The following ANGPT2 variants were observed in gnomAD, a reference collection of about 807,000 sequenced individuals.
ANGPT2 encodes the protein angiopoietin 2.
Under a neutral mutation model 62.9 loss-of-function variants are expected in ANGPT2, and 28 were observed. The ratio of observed to expected loss-of-function variants is 0.44; its 90% confidence interval spans 0.33 to 0.61. The LOEUF (loss-of-function observed/expected upper bound fraction) is 0.61, where lower values mean the gene tolerates loss of function less well. ANGPT2 is among the 20% of genes least tolerant of loss of function. The pLI is 0.03. For synonymous variants in ANGPT2, 284 were observed against 207.8 expected (o/e 1.37, Z -3.15); for missense variants, 727 against 594.9 (o/e 1.22, Z -2.31).
At chr8:6,504,337 A>AG (rs58658342) in intron 8 of ANGPT2, among the ~76,000 whole-genome samples, 1 of 149,670 alleles carries the variant, frequency 6.7e-6, no homozygotes, top group Non-Finnish European at 1.5e-5. Flanking sequence ...AAAAAAAAAA[A>AG]GAATGTATAA....
At position 6,527,766 on chromosome 8, in the gene ANGPT2, G is replaced by A. The variant is rs1046108943; in HGVS notation, c.445-90C>T. ...TTTCATTAAAGTACCCAAGCTACAGGAAAACATAACAAAAACATTATTTAT... is the reference window on the plus strand; with the variant it reads ...TTTCATTAAAGTACCCAAGCTACAGAAAAACATAACAAAAACATTATTTAT... On this transcript the variant is annotated intron_variant, in intron 2 of 8. Transcript: ENST00000629816. 211 of 1,215,526 alleles carry A rather than the reference G, an allele frequency of 1.7e-4. 1 individual carries two copies. The highest frequency in any genetic ancestry group is 2.1e-4 in the Non-Finnish European group (185 of 885,034). The allele number at this position is 1,215,526 out of a possible 1,614,324, so 75.3% of individuals were successfully genotyped here.
intron 1 of ANGPT2, among the ~76,000 whole-genome samples, chr8:6,553,152 C>G (rs1823960309): frequency 6.6e-6 from 1 of 152,100 alleles, no homozygotes; most frequent in African/African-American, 2.4e-5. Flanking sequence ...GTGCACCACT[C>G]TGGTGCAGGA....
chr8:6,514,598 G>C (rs1815866923), intron 6 of ANGPT2, 79 bp downstream of exon 6: 1 of 1,254,714 alleles, frequency 8.0e-7, no homozygotes, highest in South Asian at 1.2e-5. Context: ...TTTGGGATTG[G>C]TGGTTAAGGT....
At chr8:6,506,721 T>C (rs1171915226) in intron 8 of ANGPT2, among the ~76,000 whole-genome samples, 2 of 150,472 alleles carry the variant, frequency 1.3e-5, no homozygotes, top group South Asian at 2.1e-4. Context: ...TGGTGTAACA[T>C]AGGGAGGACC....
intron 7 of ANGPT2, among the ~76,000 whole-genome samples, chr8:6,512,520 G>A (rs2129567248): frequency 6.6e-6 from 1 of 152,276 alleles, no homozygotes; most frequent in South Asian, 2.1e-4. Context: ...TGATCACGAG[G>A]CGCCACCAGT....
intron 1 of ANGPT2, among the ~76,000 whole-genome samples, chr8:6,541,859 T>C (rs1420703812): frequency 6.6e-6 from 1 of 151,954 alleles, no homozygotes; most frequent in Non-Finnish European, 1.5e-5. Context: ...TTTTTAAAAA[T>C]TAGCTGGACA....
intron 7 of ANGPT2, among the ~76,000 whole-genome samples, chr8:6,512,799 A>G (rs2442630): frequency 0.013 from 1,928 of 152,328 alleles, 24 homozygotes; most frequent in Non-Finnish European, 0.018. Context: ...GATTATTGCT[A>G]CCAAATGGGT....
chr8:6,514,260 G>A (rs549181837), intron 6 of ANGPT2, among the ~76,000 whole-genome samples: 2 of 152,260 alleles, frequency 1.3e-5, no homozygotes, highest in East Asian at 3.9e-4. Context: ...TGTGATCTTG[G>A]CTGACTGCAC....
chr8:6,504,266 C>G (rs942635729), intron 8 of ANGPT2, among the ~76,000 whole-genome samples: 40 of 136,522 alleles, frequency 2.9e-4, no homozygotes, highest in African/African-American at 1.1e-3. Context: ...TGCAGTGAGC[C>G]GAGATCGCGC....
Position 6,562,737 on chromosome 8 carries a change from C to T in ANGPT2, c.198G>A (p.Gln66=). The T allele has an allele frequency of 6.2e-7, 1 of 1,613,918 alleles. No homozygotes were observed. Among genetic ancestry groups the T allele is most frequent in the South Asian group, 1.1e-5 (1 of 91,078 alleles). The part of the protein sequence containing the change: ...SSSPYVSNAV[Q]RDAPLEYDDS... ...CATCGTATTCGAGCGGCGCGTCCCTCTGCACAGCATTGGACACGTAGGGGC... is the reference window on the plus strand; with the variant it reads ...CATCGTATTCGAGCGGCGCGTCCCTTTGCACAGCATTGGACACGTAGGGGC... The change falls in exon 1 of 9, where the codon CAG becomes CAA. Residue 66 remains glutamine, a synonymous_variant. Coordinates refer to ENST00000629816, the MANE Select transcript of ANGPT2 (RefSeq NM_001118887.2).
At chr8:6,553,236 G>A (rs139374818) in intron 1 of ANGPT2, among the ~76,000 whole-genome samples, 36 of 152,250 alleles carry the variant, frequency 2.4e-4, no homozygotes, top group African/African-American at 7.0e-4. Context: ...CTTTACTCTC[G>A]ATGTGGCTGT....
At chr8:6,520,090 G>C (rs1416189299) in intron 4 of ANGPT2, 99 bp from the exon 5 acceptor site, 1 of 1,383,892 alleles carries the variant, frequency 7.2e-7, no homozygotes, top group Non-Finnish European at 9.8e-7. Flanking sequence ...TATTACTTTG[G>C]AATTCTTAAG....
intron 3 of ANGPT2, among the ~76,000 whole-genome samples, chr8:6,522,773 C>CAA (rs199503821): frequency 0.071 from 9,252 of 129,730 alleles, 416 homozygotes; most frequent in African/African-American, 0.11. Context: ...GACATCGTCT[C>CAA]AAAAAAAAAA....
chr8:6,546,032 C>G (rs992182674), intron 1 of ANGPT2, among the ~76,000 whole-genome samples: 2 of 152,248 alleles, frequency 1.3e-5, no homozygotes, highest in Non-Finnish European at 2.9e-5. Context: ...ATTTGAGAAT[C>G]AAACACACCC....
chr8:6,561,925 C>T (rs1056049098), intron 1 of ANGPT2, among the ~76,000 whole-genome samples: 1 of 152,214 alleles, frequency 6.6e-6, no homozygotes, highest in African/African-American at 2.4e-5. Flanking sequence ...ACCGTCCTGT[C>T]GTGGCATGAC....
At chr8:6,543,913 C>A (rs926507382) in intron 1 of ANGPT2, among the ~76,000 whole-genome samples, 30 of 152,102 alleles carry the variant, frequency 2.0e-4, no homozygotes, top group African/African-American at 6.5e-4. Context: ...TTATAACTCA[C>A]ATTAGAAACA....
At chr8:6,504,037 G>A (rs1444735199) in intron 8 of ANGPT2, among the ~76,000 whole-genome samples, 2 of 152,202 alleles carry the variant, frequency 1.3e-5, no homozygotes, top group Non-Finnish European at 2.9e-5. Flanking sequence ...TATAAGCAGG[G>A]GCCGGGCGCA....
chr8:6,503,480 T>G (rs1442256454), intron 8 of ANGPT2, among the ~76,000 whole-genome samples: 3 of 152,194 alleles, frequency 2.0e-5, no homozygotes, highest in African/African-American at 7.2e-5. Context: ...TTTACAAGCC[T>G]TCTTCCACCT....
chr8:6,561,513 T>G (rs951988132), intron 1 of ANGPT2, among the ~76,000 whole-genome samples: 3 of 152,208 alleles, frequency 2.0e-5, no homozygotes, highest in Admixed American at 6.5e-5. Context: ...ACAAAAGGTT[T>G]ATGGTGAAAT....
Sources: allele counts gnomAD v4.1 joint callset (sites outside exome capture counted in the v4.1 genomes callset), GRCh38; gene constraint gnomAD v4.1.1; transcripts MANE v1.5; gene names NCBI Gene and HGNC (gene_info 2026-07-23, HGNC 2026-07-21).